The following MACROD2 variants were observed in gnomAD, a reference collection of about 807,000 sequenced individuals.
The protein encoded by MACROD2 is mono-ADP ribosylhydrolase 2, also known as ADP-ribose glycohydrolase MACROD2.
Under a neutral mutation model 70.4 loss-of-function variants are expected in MACROD2, and 36 were observed. The ratio of observed to expected loss-of-function variants is 0.51; its 90% confidence interval spans 0.39 to 0.68. The LOEUF (loss-of-function observed/expected upper bound fraction) is 0.68, where lower values mean the gene tolerates loss of function less well. Ranked by LOEUF, MACROD2 falls within the 30% of genes least tolerant of loss-of-function variation. The probability of loss-of-function intolerance (pLI) is 0.00; values close to 1 mark genes in which losing one functional copy is unlikely to be tolerated. For synonymous variants in MACROD2, 172 were observed against 178.8 expected, an observed-to-expected ratio of 0.96 and a Z score of 0.30; for missense variants, 496 against 538.4, an observed-to-expected ratio of 0.92 and a Z score of 0.78.
intron 15 of MACROD2, among the ~76,000 whole-genome samples, chr20:16,001,643 GA>G (rs1472025007): frequency 6.6e-6 from 1 of 152,098 alleles, no homozygotes; most frequent in East Asian, 1.9e-4. Context: ...GGGAAAAAGG[GA>G]AAAATAGATA....
chr20:14,280,139 A>T (rs1256023560), intron 3 of MACROD2, among the ~76,000 whole-genome samples: 1 of 152,164 alleles, frequency 6.6e-6, no homozygotes, highest in Non-Finnish European at 1.5e-5. Context: ...ACTTTAATTT[A>T]TCACATACAG....
chr20:14,834,090 TAG>T (rs2073001736), intron 5 of MACROD2, among the ~76,000 whole-genome samples: 1 of 152,086 alleles, frequency 6.6e-6, no homozygotes, highest in African/African-American at 2.4e-5. Context: ...CATAATATAT[TAG>T]AGTGTTGCTA....
intron 6 of MACROD2, among the ~76,000 whole-genome samples, chr20:15,429,734 T>TA (rs376760543): frequency 3.3e-5 from 5 of 151,698 alleles, no homozygotes; most frequent in Non-Finnish European, 5.9e-5. Context: ...GCCAGTAACT[T>TA]AAAAAAAAAT....
intron 5 of MACROD2, among the ~76,000 whole-genome samples, chr20:15,097,505 T>C (rs972518618): frequency 2.6e-5 from 4 of 152,150 alleles, no homozygotes; most frequent in Non-Finnish European, 5.9e-5. Context: ...AAATCAATTA[T>C]TTTTCAATAT....
intron 6 of MACROD2, 62 bp from the exon 7 acceptor site, chr20:15,431,343 A>G: frequency 6.9e-7 from 1 of 1,440,396 alleles, no homozygotes; most frequent in South Asian, 1.2e-5. Context: ...ATGTTGAGAA[A>G]GATGATGTTG....
intron 2 of MACROD2, among the ~76,000 whole-genome samples, chr20:14,058,854 G>A (rs562848077): frequency 6.6e-6 from 1 of 152,086 alleles, no homozygotes; most frequent in South Asian, 2.1e-4. Flanking sequence ...ATGTTGGCCA[G>A]GATGGTCTCG....
chr20:14,700,180 G>T (rs73262820), intron 5 of MACROD2, among the ~76,000 whole-genome samples: 2,317 of 151,706 alleles, frequency 0.015, 66 homozygotes, highest in African/African-American at 0.052. Flanking sequence ...TTCTTTGAGA[G>T]ATGAACTTTA....
At chr20:15,447,616 C>A (rs1040284439) in intron 7 of MACROD2, among the ~76,000 whole-genome samples, 1 of 152,178 alleles carries the variant, frequency 6.6e-6, no homozygotes, top group Non-Finnish European at 1.5e-5. Flanking sequence ...AGCTTTCTTT[C>A]CAGGAGTGAA....
intron 5 of MACROD2, among the ~76,000 whole-genome samples, chr20:15,000,441 G>A (rs1221808790): frequency 7.6e-6 from 1 of 131,886 alleles, no homozygotes; most frequent in African/African-American, 3.5e-5. Flanking sequence ...GGCTAACACG[G>A]TGAAACCCCG....
intron 5 of MACROD2, among the ~76,000 whole-genome samples, chr20:14,796,116 G>A (rs1435501591): frequency 6.6e-6 from 1 of 152,076 alleles, no homozygotes; most frequent in Non-Finnish European, 1.5e-5. Context: ...GACAACTTTT[G>A]TCAAGTCTGA....
chr20:14,560,341 G>A (rs1312742484), intron 4 of MACROD2, among the ~76,000 whole-genome samples: 17 of 69,138 alleles, frequency 2.5e-4, no homozygotes, highest in East Asian at 9.7e-4. Context: ...ACACACACAG[G>A]TGCACGCATG....
At chr20:14,103,496 C>CA (rs2054326298) in intron 3 of MACROD2, among the ~76,000 whole-genome samples, 1 of 151,976 alleles carries the variant, frequency 6.6e-6, no homozygotes, top group South Asian at 2.1e-4. Context: ...AAAAAGAGAA[C>CA]AGTTTTTTTT....
chr20:14,066,874 C>T (rs1375723889), intron 2 of MACROD2, among the ~76,000 whole-genome samples: 1 of 144,982 alleles, frequency 6.9e-6, no homozygotes, highest in Admixed American at 7.0e-5. Flanking sequence ...AGCAGTGGCG[C>T]CGTCTTGGCT....
intron 8 of MACROD2, among the ~76,000 whole-genome samples, chr20:15,551,951 CT>C (rs2048105045): frequency 6.6e-6 from 1 of 151,366 alleles, no homozygotes; most frequent in Non-Finnish European, 1.5e-5. Context: ...TATATAAGCA[CT>C]TATTACTTTC....
intron 12 of MACROD2, among the ~76,000 whole-genome samples, chr20:15,943,732 G>A (rs540622328): frequency 6.6e-6 from 1 of 151,922 alleles, no homozygotes; most frequent in Non-Finnish European, 1.5e-5. Context: ...TTTTATTATG[G>A]TTAACCGCCG....
intron 7 of MACROD2, among the ~76,000 whole-genome samples, chr20:15,470,943 C>A (rs2034700488): frequency 6.6e-6 from 1 of 152,270 alleles, no homozygotes; most frequent in African/African-American, 2.4e-5. Context: ...TGTTCCCTGG[C>A]ATGCTTCCTG....
chr20:14,528,030 T>C (rs563643156), intron 4 of MACROD2, among the ~76,000 whole-genome samples: 55 of 152,232 alleles, frequency 3.6e-4, no homozygotes, highest in Admixed American at 3.2e-3. Context: ...ATCAGTATCA[T>C]ATAAACTAAA....
intron 5 of MACROD2, among the ~76,000 whole-genome samples, chr20:14,760,031 T>C (rs887371488): frequency 6.6e-6 from 1 of 152,080 alleles, no homozygotes; most frequent in African/African-American, 2.4e-5. Flanking sequence ...AGGGAAGTGC[T>C]TACCTGGGCA....
intron 5 of MACROD2, among the ~76,000 whole-genome samples, chr20:15,213,864 T>G (rs1470837593): frequency 6.6e-6 from 1 of 151,912 alleles, no homozygotes; most frequent in East Asian, 1.9e-4. Flanking sequence ...GCTCTTTCTA[T>G]CACAAGAGAA....
Sources: allele counts gnomAD v4.1 joint callset (sites outside exome capture counted in the v4.1 genomes callset), GRCh38; gene constraint gnomAD v4.1.1; transcripts MANE v1.5; gene names NCBI Gene and HGNC (gene_info 2026-07-23, HGNC 2026-07-21).